The following UNC45A variants were observed in gnomAD, a reference collection of about 807,000 sequenced individuals.
UNC45A encodes the protein unc-45 myosin chaperone A, also known as protein unc-45 homolog A.
UNC45A carries 78 observed loss-of-function variants against 103.2 expected under a neutral mutation model. That is an observed-to-expected ratio of 0.76 (90% CI 0.63 to 0.91). UNC45A has a LOEUF of 0.91. UNC45A is among the 40% of genes least tolerant of loss of function. The pLI is 0.00. For missense variants in UNC45A, 1,193 were observed against 1,224.8 expected (o/e 0.97, Z 0.39); for synonymous variants, 495 against 504.6 (o/e 0.98, Z 0.25).
At position 90,946,721 on chromosome 15, in the gene UNC45A, G is replaced by A. The variant is rs773371377; in HGVS notation, c.1307G>A (p.Ser436Asn). 11 of 1,613,416 alleles carry A rather than the reference G, an allele frequency of 6.8e-6. No individual in the cohort carries two copies. Residue 436 changes from serine (S) to asparagine (N), a missense_variant, in exon 10 of 20, where the codon AGC (serine) becomes AAC (asparagine). Physicochemically the swap from Ser to Asn is conservative, Grantham distance 46. Coordinates refer to ENST00000418476, the MANE Select transcript of UNC45A (RefSeq NM_018671.5). The part of the protein sequence containing the change: ...CDAGNRALEL[S>N]GVMESVIALC... ...GCTGGCAACCGGGCCTTGGAGCTGA[G>A]CGGTGTCATGGAGAGTGTGATTGCT...
upstream of UNC45A, chr15:90,933,935 A>G: frequency 2.5e-6 from 1 of 397,386 alleles, no homozygotes; most frequent in Non-Finnish European, 4.4e-6. Context: ...ATGGTGCCCA[A>G]GGGCCTTGGG....
chr15:90,938,316 A>T (rs970497797), intron 4 of UNC45A, among the ~76,000 whole-genome samples: 1 of 152,132 alleles, frequency 6.6e-6, no homozygotes, highest in Non-Finnish European at 1.5e-5. Context: ...ATGAGCTACA[A>T]CCAAGCTCAA....
At chr15:90,935,764 C>G in intron 2 of UNC45A, 59 bp downstream of exon 2, 2 of 1,525,076 alleles carry the variant, frequency 1.3e-6, no homozygotes, top group Non-Finnish European at 8.8e-7. Flanking sequence ...CCCATCTAAG[C>G]TGATGCTTGG....
In UNC45A at chr15:90,949,363, G is replaced by C. The variant is rs928378727; in HGVS notation, c.1926G>C (p.Ala642=). The change falls in exon 14 of 20, where the codon GCG becomes GCC. Residue 642 remains alanine (A), a synonymous_variant. Transcript: ENST00000418476. ...CTCGGGTGAAGAAGCTGCTGGCAGCGGGTGTGGTGTCGGCCATGGTGTGCA... is the reference window on the plus strand; with the variant it reads ...CTCGGGTGAAGAAGCTGCTGGCAGCCGGTGTGGTGTCGGCCATGGTGTGCA... ...VRARVKKLLA[A]GVVSAMVCMV... The C allele has an allele frequency of 1.9e-6, 3 of 1,613,608 alleles. No homozygotes were observed. The highest frequency in any genetic ancestry group is 1.6e-4 in the Middle Eastern group (1 of 6,062).
chr15:90,947,677 C>G, intron 10 of UNC45A, 119 bp from the exon 11 acceptor site: 1 of 686,844 alleles, frequency 1.5e-6, no homozygotes, highest in East Asian at 2.7e-5. Context: ...GCTGATTTGT[C>G]TGTGTAGCTT....
intron 8 of UNC45A, among the ~76,000 whole-genome samples, chr15:90,943,326 G>T (rs1440094789): frequency 6.6e-6 from 1 of 151,662 alleles, no homozygotes. Context: ...CTACTCCAGA[G>T]GCTGAGGTGG....
intron 11 of UNC45A, 33 bp from the exon 12 acceptor site, chr15:90,948,109 C>T: frequency 1.2e-6 from 2 of 1,612,478 alleles, no homozygotes; most frequent in Non-Finnish European, 8.5e-7. Flanking sequence ...ACCCCCAATC[C>T]TGAGGGTCGT....
Position 90,953,298 on chromosome 15 carries a change from C to T in UNC45A, c.2565C>T (p.Arg855=). ...CCATGCGGCCCACGCTCTGCAGCCG[C>T]ATTCCCCAAGTGGTCAGTGCCTCTT... ...LTSMRPTLCS[R]IPQVTTHWLE... is the part of the protein sequence containing the mutation. Residue 855 remains arginine, a synonymous_variant, in exon 19 of 20, where the codon CGC becomes CGT. Coordinates refer to ENST00000418476, the MANE Select transcript of UNC45A (RefSeq NM_018671.5). The T allele has an allele frequency of 6.2e-7, 1 of 1,609,532 alleles. No homozygotes were observed. Among genetic ancestry groups the T allele is most frequent in the Non-Finnish European group, 8.5e-7 (1 of 1,178,270 alleles).
At chr15:90,946,997 C>T in intron 10 of UNC45A, 83 bp downstream of exon 10, 2 of 1,489,192 alleles carry the variant, frequency 1.3e-6, no homozygotes, top group Non-Finnish European at 1.8e-6. Context: ...GTGGCCCCAG[C>T]ACACTCCAGA....
rs1190371670 is a variant in UNC45A at position 90,949,565 on chromosome 15, G to A, written c.2007-89G>A. 48 of 1,598,570 alleles carry A rather than the reference G, an allele frequency of 3.0e-5. 1 individual carries two copies. In the South Asian group the frequency reaches 3.1e-4, roughly 10 times the overall value. ...TCTTAGAGCGACGGGGGCTGCCTGC[G>A]TGGCTGCCGTCTTTGCTGAGCCTAG... On this transcript the variant is annotated intron_variant, in intron 14 of 19. Coordinates refer to ENST00000418476, the MANE Select transcript of UNC45A (RefSeq NM_018671.5).
upstream of UNC45A, chr15:90,933,521 T>TGGGGCA (rs2035879351): frequency 6.6e-6 from 1 of 152,058 alleles, no homozygotes; most frequent in Non-Finnish European, 1.5e-5. Flanking sequence ...GGCTGGTAGC[T>TGGGGCA]GGGGCAGATA....
chr15:90,931,824 T>C, upstream of UNC45A: 1 of 1,614,146 alleles, frequency 6.2e-7, no homozygotes. Flanking sequence ...CTCTCCAGCT[T>C]GGGCAGAGTC....
intron 17 of UNC45A, among the ~76,000 whole-genome samples, chr15:90,951,484 C>T (rs1055984653): frequency 3.3e-5 from 5 of 152,020 alleles, no homozygotes; most frequent in South Asian, 2.1e-4. Context: ...CAAATGAGGC[C>T]GGGCGTGGTG....
intron 12 of UNC45A, 35 bp from the exon 13 acceptor site, chr15:90,948,619 G>T: frequency 6.2e-7 from 1 of 1,608,936 alleles, no homozygotes; most frequent in East Asian, 2.2e-5. Flanking sequence ...GCTCTGCCCC[G>T]GGATGCCCAT....
In UNC45A at chr15:90,942,484, C is replaced by T; in HGVS notation, c.735C>T (p.Ile245=). ...TGGGAACTCGGCGAGTAGTCTCCAT[C>T]CTGGGCGTGGAAAGCCAGGCTGTGT... ...SILGTRRVVS[I]LGVESQAVSL... is the part of the protein sequence containing the mutation. Residue 245 remains isoleucine, a synonymous_variant, in exon 7 of 20, where the codon ATC becomes ATT. Transcript: ENST00000418476. The T allele has an allele frequency of 6.2e-7, 1 of 1,614,132 alleles. No individual in the cohort carries two copies. The highest frequency in any genetic ancestry group is 8.5e-7 in the Non-Finnish European group (1 of 1,180,016).
chr15:90,949,264 C>CT, intron 13 of UNC45A, 52 bp from the exon 14 acceptor site: 1 of 1,579,636 alleles, frequency 6.3e-7, no homozygotes, highest in Non-Finnish European at 8.6e-7. Flanking sequence ...AAGGGTCCCC[C>CT]TTTCTCTGTG....
chr15:90,944,580 A>G (rs576733802), intron 8 of UNC45A, among the ~76,000 whole-genome samples: 1 of 152,002 alleles, frequency 6.6e-6, no homozygotes, highest in Non-Finnish European at 1.5e-5. Flanking sequence ...CGTGTTCACA[A>G]TGGTCCTATG....
In UNC45A at chr15:90,935,293, C is replaced by A. The variant is rs754130947; in HGVS notation, c.-32C>A. ...CAGACTCGCCCCGCCCCAGAGACTGCGCCTGCGCGGGCACGAGACAACCTC... is the reference window on the plus strand; with the variant it reads ...CAGACTCGCCCCGCCCCAGAGACTGAGCCTGCGCGGGCACGAGACAACCTC... On this transcript the variant is annotated 5_prime_UTR_variant, in exon 1 of 20. Transcript: ENST00000418476. The A allele has an allele frequency of 2.5e-6, 4 of 1,587,586 alleles. No homozygotes were observed. The highest frequency in any genetic ancestry group is 3.4e-6 in the Non-Finnish European group (4 of 1,169,894).
rs1017185404 is a variant in UNC45A, at chr15:90,935,926, C to T, written c.214-20C>T. ...AGAGGGAGATGACCATTCCTTCAGG[C>T]TCCTGTCTTTCTCTTACAGGAAGAT... On this transcript the variant is annotated intron_variant, in intron 2 of 19. Coordinates refer to ENST00000418476, the MANE Select transcript of UNC45A (RefSeq NM_018671.5). 1 of 1,613,982 alleles carries T rather than the reference C, an allele frequency of 6.2e-7. No individual in the cohort carries two copies. Among genetic ancestry groups the T allele is most frequent in the African/African-American group, 1.3e-5 (1 of 74,910 alleles).
Sources: allele counts gnomAD v4.1 joint callset (sites outside exome capture counted in the v4.1 genomes callset), GRCh38; gene constraint gnomAD v4.1.1; transcripts MANE v1.5; gene names NCBI Gene and HGNC (gene_info 2026-07-23, HGNC 2026-07-21).